Variants in SLC7A6 observed in about 807,000 individuals in gnomAD.
The protein encoded by SLC7A6 is Y+L amino acid transporter 2.
Under a neutral mutation model 46.6 loss-of-function variants are expected in SLC7A6, and 29 were observed. That is an observed-to-expected ratio of 0.62 (90% CI 0.46 to 0.85). SLC7A6 has a LOEUF of 0.85. SLC7A6 is among the 40% of genes least tolerant of loss of function. The probability of loss-of-function intolerance (pLI) is 0.00; values close to 1 mark genes in which losing one functional copy is unlikely to be tolerated. For synonymous variants in SLC7A6, 276 were observed against 257.3 expected, an observed-to-expected ratio of 1.07 and a Z score of -0.70; for missense variants, 527 against 647.6, an observed-to-expected ratio of 0.81 and a Z score of 2.02.
intron 1 of SLC7A6, among the ~76,000 whole-genome samples, chr16:68,265,214 G>T (rs955875801): frequency 6.6e-6 from 1 of 152,192 alleles, no homozygotes; most frequent in African/African-American, 2.4e-5. Flanking sequence ...GGCTGCTGGC[G>T]CTGGGGAACC....
At chr16:68,279,802 G>A in intron 3 of SLC7A6, among the ~76,000 whole-genome samples, 1 of 152,252 alleles carries the variant, frequency 6.6e-6, no homozygotes, top group Middle Eastern at 3.2e-3. Flanking sequence ...GCCTCCCAGA[G>A]TGCTGGGATC....
At chr16:68,276,739 T>C (rs942423445) in intron 3 of SLC7A6, among the ~76,000 whole-genome samples, 11 of 152,204 alleles carry the variant, frequency 7.2e-5, no homozygotes, top group Admixed American at 5.9e-4. Context: ...GGCTGACGCC[T>C]GTAATCCCAG....
In SLC7A6 at chr16:68,297,870, G is replaced by C. The variant is rs145601277; in HGVS notation, c.*542G>C. 1 of 152,660 alleles carries C rather than the reference G, an allele frequency of 6.6e-6. No individual in the cohort carries two copies. Among genetic ancestry groups the C allele is most frequent in the Non-Finnish European group, 1.5e-5 (1 of 68,138 alleles). 9.5% of individuals were successfully genotyped at this position (152,660 alleles called of 1,614,324 possible). A position where few individuals can be genotyped will look rare whatever the true frequency, so the allele number is the denominator to read the frequency against. On this transcript the variant is annotated 3_prime_UTR_variant, in exon 11 of 11. Coordinates refer to ENST00000219343, the MANE Select transcript of SLC7A6 (RefSeq NM_003983.6). ...GAACACCAGTTCTAACGAAGCATGC[G>C]TGTCTCTTCATCTACAGGATGCAAT...
intron 2 of SLC7A6, among the ~76,000 whole-genome samples, chr16:68,271,876 A>T (rs933473027): frequency 2.0e-5 from 3 of 151,652 alleles, no homozygotes; most frequent in Non-Finnish European, 4.4e-5. Flanking sequence ...ATCTTGGCTC[A>T]CTGCAACCTC....
intron 3 of SLC7A6, among the ~76,000 whole-genome samples, chr16:68,276,099 C>T (rs565747892): frequency 7.2e-5 from 11 of 152,350 alleles, no homozygotes; most frequent in African/African-American, 1.7e-4. Context: ...CTGCTCTTTG[C>T]GGCTTGCTCT....
At chr16:68,280,293 A>G (rs1388690384) in intron 3 of SLC7A6, among the ~76,000 whole-genome samples, 2 of 152,166 alleles carry the variant, frequency 1.3e-5, no homozygotes, top group African/African-American at 4.8e-5. Context: ...GAGACTGCCT[A>G]AACAAGTTAT....
intron 3 of SLC7A6, among the ~76,000 whole-genome samples, chr16:68,280,980 A>G (rs2042819634): frequency 6.6e-6 from 1 of 151,866 alleles, no homozygotes; most frequent in South Asian, 2.1e-4. Context: ...TGATCCGCCC[A>G]CCTCGGCCTC....
intron 3 of SLC7A6, among the ~76,000 whole-genome samples, chr16:68,280,770 T>G (rs983662897): frequency 3.3e-5 from 5 of 151,510 alleles, no homozygotes; most frequent in Non-Finnish European, 7.4e-5. Context: ...AGTCTTGCTC[T>G]GTCACCCAGG....
chr16:68,266,706 G>C lies in SLC7A6; in HGVS notation c.-52G>C, dbSNP rs928030019. 6.6e-6 allele frequency: 1 copy of C among 151,944 alleles called. No homozygotes were observed. 9.4% of individuals were successfully genotyped at this position (151,944 alleles called of 1,614,324 possible). ...GGTGGCTTATGAAAGTGTGATGTTC[G>C]CGTATTTCTTGACAGGTGAATATTG... On this transcript the variant is annotated 5_prime_UTR_variant, in exon 2 of 11. Coordinates refer to ENST00000219343, the MANE Select transcript of SLC7A6 (RefSeq NM_003983.6).
At chr16:68,269,699 A>G (rs556594771) in intron 2 of SLC7A6, among the ~76,000 whole-genome samples, 1 of 151,568 alleles carries the variant, frequency 6.6e-6, no homozygotes, top group African/African-American at 2.4e-5. Context: ...GGTTACAGTG[A>G]GCCAAGATTG....
At chr16:68,285,691 T>G (rs1352284070) in intron 3 of SLC7A6, among the ~76,000 whole-genome samples, 1 of 152,188 alleles carries the variant, frequency 6.6e-6, no homozygotes, top group Non-Finnish European at 1.5e-5. Flanking sequence ...AATATCCAAC[T>G]TTCTGACAAT....
rs1567595565 is a variant in SLC7A6 at position 68,294,763 on chromosome 16, A to ATT, written c.1082_1083dup (p.Glu362LeufsTer64). On this transcript the variant is annotated frameshift_variant, in exon 8 of 11. Coordinates refer to ENST00000219343, the MANE Select transcript of SLC7A6 (RefSeq NM_003983.6). LOFTEE classifies it high-confidence loss of function. ...ACCGGACCTTCTGTCCATGATCCACATTGAGCGTTTTACACCTATCCCTGC... is the reference window on the plus strand; with the variant it reads ...ACCGGACCTTCTGTCCATGATCCACATTTTGAGCGTTTTACACCTATCCCTGC... 6.2e-7 allele frequency: 1 copy of ATT among 1,614,086 alleles called. No individual in the cohort carries two copies. Among genetic ancestry groups the ATT allele is most frequent in the Admixed American group, 1.7e-5 (1 of 60,020 alleles).
chr16:68,284,549 C>T (rs1356336505), intron 3 of SLC7A6: 1 of 586,454 alleles, frequency 1.7e-6, no homozygotes, highest in Non-Finnish European at 2.1e-6. Flanking sequence ...GTTGAATTTC[C>T]ACTGTGTGTA....
intron 3 of SLC7A6, among the ~76,000 whole-genome samples, chr16:68,277,528 G>A (rs1416525885): frequency 6.6e-6 from 1 of 151,786 alleles, no homozygotes; most frequent in African/African-American, 2.4e-5. Flanking sequence ...AGCCAGGATG[G>A]TCTCGATGTC....
intron 2 of SLC7A6, among the ~76,000 whole-genome samples, chr16:68,270,841 G>A (rs2042612151): frequency 6.7e-6 from 1 of 149,596 alleles, no homozygotes; most frequent in Non-Finnish European, 1.5e-5. Flanking sequence ...GGAAGTTGAG[G>A]ACTTTCCATT....
chr16:68,279,968 T>G (rs1026373092), intron 3 of SLC7A6, among the ~76,000 whole-genome samples: 1 of 152,226 alleles, frequency 6.6e-6, no homozygotes, highest in Non-Finnish European at 1.5e-5. Context: ...TTGCTTGTCA[T>G]AGTAGTGGCC....
At position 68,300,974 on chromosome 16, in the gene SLC7A6, G is replaced by C. The variant is rs1360066030; in HGVS notation, c.*3646G>C. On this transcript the variant is annotated 3_prime_UTR_variant, in exon 11 of 11. Transcript: ENST00000219343. ...TTTCAGCACAGAACCTGAATGCCAG[G>C]AAAAATTCCTGGGCCAAGAAGCTAA... 5 of 1,034,034 alleles carry C rather than the reference G, an allele frequency of 4.8e-6. No individual in the cohort carries two copies. Among genetic ancestry groups the C allele is most frequent in the Non-Finnish European group, 5.8e-6 (5 of 862,094 alleles). 64.1% of individuals were successfully genotyped at this position (1,034,034 alleles called of 1,614,324 possible).
intron 3 of SLC7A6, among the ~76,000 whole-genome samples, chr16:68,277,925 C>CTATTATTAT (rs34693926): frequency 3.6e-4 from 53 of 148,090 alleles, no homozygotes; most frequent in Admixed American, 1.7e-3. Flanking sequence ...CATGCCTGGC[C>CTATTATTAT]TATTATTATT....
Position 68,287,015 on chromosome 16 carries a change from A to T in SLC7A6, c.524-731A>T, listed in dbSNP as rs536171471. 5.0e-5 allele frequency among the ~76,000 whole-genome samples: 7 copies of T among 139,358 alleles called. No individual in the cohort carries two copies. In the East Asian group the frequency reaches 8.4e-4, roughly 17 times the overall value. 91.4% of individuals were successfully genotyped at this position (139,358 alleles called of 152,430 possible). ...TCCTTTTTTTTTTTTTTTTGAGACG[A>T]GGTCTTACTCTGTCATCAGGCTGGA... On this transcript the variant is annotated intron_variant, in intron 3 of 10. Transcript: ENST00000219343.
Sources: gnomAD v4.1 joint callset for allele counts (sites outside exome capture counted in the v4.1 genomes callset) on GRCh38, gnomAD v4.1.1 for gene constraint, MANE v1.5 for transcripts, NCBI Gene and HGNC (gene_info 2026-07-23, HGNC 2026-07-21) for gene names.